Variants in SCARA5 observed in about 807,000 individuals in gnomAD.
SCARA5 encodes the protein scavenger receptor class A member 5.
Under a neutral mutation model 46.3 loss-of-function variants are expected in SCARA5, and 45 were observed. That is an observed-to-expected ratio of 0.97 (90% CI 0.76 to 1.24). The LOEUF is 1.24. Among genes scored for constraint, SCARA5 ranks in the 50% most tolerant of loss-of-function variants. The pLI, the probability that SCARA5 is intolerant of heterozygous loss-of-function variation, is 0.00. For synonymous variants in SCARA5, 333 were observed against 306.5 expected, an observed-to-expected ratio of 1.09 and a Z score of -0.90; for missense variants, 680 against 689.0, an observed-to-expected ratio of 0.99 and a Z score of 0.15.
At chr8:27,923,360 G>A (rs1221476658) in intron 3 of SCARA5, among the ~76,000 whole-genome samples, 2 of 152,194 alleles carry the variant, frequency 1.3e-5, no homozygotes, top group Non-Finnish European at 2.9e-5. Context: ...AAGCCACAGT[G>A]TCTCCTGGAG....
chr8:27,972,569 G>A (rs1383357128), intron 2 of SCARA5, among the ~76,000 whole-genome samples: 1 of 152,126 alleles, frequency 6.6e-6, no homozygotes, highest in African/African-American at 2.4e-5. Context: ...AGATGTTCAA[G>A]TTTTAACATG....
chr8:27,877,780 A>G (rs953282779), intron 8 of SCARA5, among the ~76,000 whole-genome samples: 2 of 152,238 alleles, frequency 1.3e-5, no homozygotes, highest in Non-Finnish European at 2.9e-5. Context: ...CTCGCCCCTC[A>G]AACTCTGGCC....
At chr8:27,957,328 T>A (rs1808221579) in intron 3 of SCARA5, among the ~76,000 whole-genome samples, 1 of 152,230 alleles carries the variant, frequency 6.6e-6, no homozygotes, top group South Asian at 2.1e-4. Flanking sequence ...CACCCGGTTA[T>A]AAATCACTTA....
At chr8:27,891,169 T>C (rs1011633816) in intron 7 of SCARA5, among the ~76,000 whole-genome samples, 1 of 151,946 alleles carries the variant, frequency 6.6e-6, no homozygotes, top group East Asian at 1.9e-4. Context: ...GACATGTCTG[T>C]ATAGATGTGA....
intron 2 of SCARA5, among the ~76,000 whole-genome samples, chr8:27,975,952 A>G (rs1808517432): frequency 6.6e-6 from 1 of 152,202 alleles, no homozygotes; most frequent in African/African-American, 2.4e-5. Context: ...TTCTCTCAGT[A>G]CTTTCAGAGA....
At chr8:27,949,972 G>A (rs1808097778) in intron 3 of SCARA5, among the ~76,000 whole-genome samples, 1 of 152,230 alleles carries the variant, frequency 6.6e-6, no homozygotes, top group African/African-American at 2.4e-5. Context: ...CAAGCAGGCT[G>A]GCCTTGGGCA....
intron 4 of SCARA5, among the ~76,000 whole-genome samples, chr8:27,913,704 ATC>A (rs1316113059): frequency 1.3e-5 from 2 of 152,028 alleles, no homozygotes; most frequent in African/African-American, 4.8e-5. Context: ...TGTCTGATCC[ATC>A]TCTCTGAAAC....
chr8:27,933,487 A>C (rs1167014984), intron 3 of SCARA5, among the ~76,000 whole-genome samples: 1 of 147,466 alleles, frequency 6.8e-6, no homozygotes, highest in African/African-American at 2.5e-5. Context: ...ATGCCACTGC[A>C]CAGCAGCCTG....
chr8:27,920,022 A>G (rs1482750742), intron 4 of SCARA5, among the ~76,000 whole-genome samples: 1 of 151,648 alleles, frequency 6.6e-6, no homozygotes, highest in African/African-American at 2.4e-5. Context: ...ATTTCATGAA[A>G]GGTGTTTCTG....
intron 2 of SCARA5, among the ~76,000 whole-genome samples, chr8:27,977,861 G>A (rs909155073): frequency 3.3e-5 from 5 of 152,218 alleles, no homozygotes; most frequent in East Asian, 1.9e-4. Flanking sequence ...GATGGGCTCC[G>A]ACTGTAAAAA....
At chr8:27,954,989 C>T (rs1808184724) in intron 3 of SCARA5, among the ~76,000 whole-genome samples, 1 of 152,192 alleles carries the variant, frequency 6.6e-6, no homozygotes, top group Admixed American at 6.5e-5. Flanking sequence ...AAGTGCTTTG[C>T]AGAAGCACTC....
intron 2 of SCARA5, among the ~76,000 whole-genome samples, chr8:27,983,056 A>C (rs551246436): frequency 6.6e-6 from 1 of 151,644 alleles, no homozygotes; most frequent in Non-Finnish European, 1.5e-5. Flanking sequence ...GTGTCCCCTC[A>C]CCTCCTCTCT....
At chr8:27,882,957 C>G (rs976541951) in intron 7 of SCARA5, among the ~76,000 whole-genome samples, 1 of 151,756 alleles carries the variant, frequency 6.6e-6, no homozygotes, top group Non-Finnish European at 1.5e-5. Context: ...TCCCCAACTG[C>G]GACATGGGAA....
chr8:27,906,050 T>A lies in SCARA5; in HGVS notation c.1096+1098A>T, dbSNP rs576002353. 7.7e-4 allele frequency among the ~76,000 whole-genome samples: 117 copies of A among 152,330 alleles called. 2 individuals carry two copies. The highest frequency in any genetic ancestry group is 2.6e-3 in the African/African-American group (107 of 41,576). On this transcript the variant is annotated intron_variant, in intron 6 of 8. Transcript: ENST00000354914. ...CAACAAGCATGTGCTGCTTTTACAATCTGTTTTAAAATCAACTTTTTAAAA... is the reference window on the plus strand; with the variant it reads ...CAACAAGCATGTGCTGCTTTTACAAACTGTTTTAAAATCAACTTTTTAAAA...
chr8:27,900,899 C>T (rs976317451), intron 7 of SCARA5, among the ~76,000 whole-genome samples: 13 of 148,146 alleles, frequency 8.8e-5, no homozygotes, highest in Non-Finnish European at 1.6e-4. Flanking sequence ...AAGCAGAAAT[C>T]GGGACATCTG....
intron 7 of SCARA5, among the ~76,000 whole-genome samples, chr8:27,895,302 G>A (rs1010575268): frequency 3.0e-4 from 46 of 152,160 alleles, no homozygotes; most frequent in African/African-American, 1.0e-3. Context: ...CAGCCGGCCT[G>A]AGGCACAGGG....
chr8:27,971,933 A>C (rs771500298), intron 2 of SCARA5, among the ~76,000 whole-genome samples: 7 of 151,738 alleles, frequency 4.6e-5, no homozygotes, highest in Non-Finnish European at 1.0e-4. Flanking sequence ...TCTTAACATC[A>C]CTCCACTTAA....
chr8:27,934,335 T>C (rs1380106966), intron 3 of SCARA5, among the ~76,000 whole-genome samples: 1 of 152,184 alleles, frequency 6.6e-6, no homozygotes, highest in Non-Finnish European at 1.5e-5. Context: ...AAATGCGGCC[T>C]TGAATCAGCC....
chr8:27,955,666 G>A lies in SCARA5; in HGVS notation c.241+10748C>T, dbSNP rs1346267779. On this transcript the variant is annotated intron_variant, in intron 3 of 8. Transcript: ENST00000354914. ...CTCCACCTCCTGAAGACTGAAGACTGGACAGGAATGTGAGAGCCCTTCTGC... is the reference window on the plus strand; with the variant it reads ...CTCCACCTCCTGAAGACTGAAGACTAGACAGGAATGTGAGAGCCCTTCTGC... 2.0e-5 allele frequency among the ~76,000 whole-genome samples: 3 copies of A among 152,230 alleles called. No homozygotes were observed. In the East Asian group the frequency reaches 5.8e-4, roughly 29 times the overall value.
Sources: gnomAD v4.1 joint callset for allele counts (sites outside exome capture counted in the v4.1 genomes callset) on GRCh38, gnomAD v4.1.1 for gene constraint, MANE v1.5 for transcripts, NCBI Gene and HGNC (gene_info 2026-07-23, HGNC 2026-07-21) for gene names.